Variants in RNF212B observed in about 807,000 individuals in gnomAD.
RNF212B encodes E3 ubiquitin-protein ligase RNF212B.
Under a neutral mutation model 55.5 loss-of-function variants are expected in RNF212B, and 52 were observed. The observed-to-expected ratio is 0.94, with a 90% CI of 0.75 to 1.18. The LOEUF (loss-of-function observed/expected upper bound fraction) is 1.18. Among genes scored for constraint, RNF212B ranks in the 50% most tolerant of loss-of-function variants. The pLI is 0.00. For synonymous variants in RNF212B, 99 were observed against 121.4 expected, an observed-to-expected ratio of 0.82 and a Z score of 1.21; for missense variants, 289 against 350.4, an observed-to-expected ratio of 0.82 and a Z score of 1.40.
chr14:23,245,179 A>G (rs78108194), intron 4 of RNF212B, among the ~76,000 whole-genome samples: 1,648 of 152,238 alleles, frequency 0.011, 30 homozygotes, highest in African/African-American at 0.038. Context: ...TCTAAACCTC[A>G]AGATGATCCT....
chr14:23,198,536 C>T (rs1200068315), intron 2 of RNF212B, among the ~76,000 whole-genome samples: 1 of 151,688 alleles, frequency 6.6e-6, no homozygotes, highest in African/African-American at 2.4e-5. Context: ...ATCAGCTGGG[C>T]GTGGTGGCGG....
chr14:23,186,666 G>A (rs888804792), intron 1 of RNF212B, among the ~76,000 whole-genome samples: 18 of 152,110 alleles, frequency 1.2e-4, no homozygotes, highest in African/African-American at 3.1e-4. Context: ...TATTCTCTAC[G>A]TTTAAATAGT....
At chr14:23,227,680 A>G (rs1956742249) in intron 2 of RNF212B, among the ~76,000 whole-genome samples, 1 of 152,096 alleles carries the variant, frequency 6.6e-6, no homozygotes, top group South Asian at 2.1e-4. Flanking sequence ...TGCTCACTGC[A>G]GCCTCAACCT....
At position 23,193,660 on chromosome 14, in the gene RNF212B, G is replaced by A. The variant is rs529632881; in HGVS notation, c.-2+259G>A. ...AAAAGCAAGCAAATGAAAACATGAG[G>A]CAAGTATTAACTTCAAGGAATTGTT... On this transcript the variant is annotated intron_variant, in intron 2 of 15. Coordinates refer to the RNF212B transcript ENST00000399910. 2.1e-4 allele frequency among the ~76,000 whole-genome samples: 32 copies of A among 152,028 alleles called. No homozygotes were observed. The South Asian group carries it at 6.4e-3, about 31-fold the overall frequency.
Position 23,269,910 on chromosome 14 carries a change from C to T in RNF212B, c.722C>T (p.Ser241Phe), listed in dbSNP as rs767426507. Reference protein sequence around the residue: ...SGQGIFSFRPSPNGHSGHTRV... With the variant: ...SGQGIFSFRPFPNGHSGHTRV... ...CAGGGGATTTTTTCTTTCAGACCAT[C>T]CCCAAATGGGCATTCAGGCCACACA... The change falls in exon 13 of 15, where the codon TCC becomes TTC. Residue 241 changes from serine to phenylalanine, a missense_variant. By Grantham distance (155) the Ser-to-Phe change is radical. Coordinates refer to ENST00000430154, the MANE Select transcript of RNF212B (RefSeq NM_001282322.3). 1.2e-4 allele frequency: 192 copies of T among 1,549,860 alleles called. No individual in the cohort carries two copies. The highest frequency in any genetic ancestry group is 1.2e-4 in the South Asian group (10 of 84,046).
At chr14:23,251,043 G>T (rs1884368502) in intron 4 of RNF212B, among the ~76,000 whole-genome samples, 1 of 152,110 alleles carries the variant, frequency 6.6e-6, no homozygotes, top group African/African-American at 2.4e-5. Flanking sequence ...GATTTGGGGG[G>T]TCCAACATAT....
chr14:23,229,220 T>TTATATATATATAGA (rs1882312266), intron 2 of RNF212B, among the ~76,000 whole-genome samples: 1 of 65,036 alleles, frequency 1.5e-5, no homozygotes, highest in Non-Finnish European at 3.0e-5. Flanking sequence ...GAATAATATT[T>TTATATATATATAGA]TATATATATA....
At chr14:23,260,470 C>G (rs1345526115) in intron 6 of RNF212B, among the ~76,000 whole-genome samples, 189 bp from the exon 7 acceptor site, 2 of 152,164 alleles carry the variant, frequency 1.3e-5, no homozygotes, top group Non-Finnish European at 2.9e-5. Flanking sequence ...TTATGAAGAA[C>G]TAAACTTTTA....
chr14:23,253,085 A>C (rs770074862), intron 4 of RNF212B, among the ~76,000 whole-genome samples: 13 of 152,140 alleles, frequency 8.5e-5, no homozygotes, highest in Non-Finnish European at 1.6e-4. Flanking sequence ...ACCCCCACCC[A>C]GATTATTTTA....
chr14:23,259,624 G>T, intron 5 of RNF212B: 1 of 268,096 alleles, frequency 3.7e-6, no homozygotes, highest in Non-Finnish European at 7.0e-6. Flanking sequence ...TGTGTGTGTG[G>T]GTGGAGAGAG....
chr14:23,233,617 T>G (rs957880373), upstream of RNF212B, among the ~76,000 whole-genome samples: 3 of 145,962 alleles, frequency 2.1e-5, no homozygotes, highest in African/African-American at 7.6e-5. Flanking sequence ...TGGTGCATGC[T>G]TGTAGTCCCA....
chr14:23,234,112 C>T (rs1431272934), upstream of RNF212B, among the ~76,000 whole-genome samples: 1 of 152,056 alleles, frequency 6.6e-6, no homozygotes, highest in African/African-American at 2.4e-5. Flanking sequence ...ACTCAAAAAG[C>T]CCAGAACACT....
intron 4 of RNF212B, among the ~76,000 whole-genome samples, chr14:23,254,892 C>T (rs1037215685): frequency 2.9e-4 from 44 of 152,198 alleles, no homozygotes; most frequent in African/African-American, 1.0e-3. Flanking sequence ...TTAATATGCT[C>T]TCTCAAGCAT....
chr14:23,231,513 A>T (rs771325121), intron 2 of RNF212B, among the ~76,000 whole-genome samples: 1 of 152,260 alleles, frequency 6.6e-6, no homozygotes, highest in Non-Finnish European at 1.5e-5. Flanking sequence ...TAAAATCAAA[A>T]TTACAAATCT....
intron 2 of RNF212B, among the ~76,000 whole-genome samples, chr14:23,193,866 A>AGT (rs936997185): frequency 1.3e-5 from 2 of 151,972 alleles, no homozygotes; most frequent in Non-Finnish European, 1.5e-5. Flanking sequence ...TCTGAGATGG[A>AGT]GTGTCACTCT....
chr14:23,267,964 A>C (rs905264726), intron 11 of RNF212B, among the ~76,000 whole-genome samples: 5 of 152,228 alleles, frequency 3.3e-5, no homozygotes, highest in African/African-American at 1.2e-4. Flanking sequence ...CAGATAAGGA[A>C]GGACTGACTT....
At chr14:23,229,259 T>TATATATACATAC (rs1434448490) in intron 2 of RNF212B, among the ~76,000 whole-genome samples, 1 of 122,488 alleles carries the variant, frequency 8.2e-6, no homozygotes, top group African/African-American at 3.1e-5. Flanking sequence ...TATATATATA[T>TATATATACATAC]ATACCACATT....
chr14:23,235,663 G>T (rs990472958), upstream of RNF212B, among the ~76,000 whole-genome samples: 1 of 152,190 alleles, frequency 6.6e-6, no homozygotes, highest in African/African-American at 2.4e-5. Flanking sequence ...TACCTGATGA[G>T]ATAGATAGTG....
chr14:23,270,182 A>G (rs1009309096), intron 13 of RNF212B, among the ~76,000 whole-genome samples: 1 of 152,178 alleles, frequency 6.6e-6, no homozygotes, highest in Non-Finnish European at 1.5e-5. Context: ...GTCGAGTCCT[A>G]CTATTTAGCC....
Sources: allele counts gnomAD v4.1 joint callset (sites outside exome capture counted in the v4.1 genomes callset), GRCh38; gene constraint gnomAD v4.1.1; transcripts MANE v1.5; gene names NCBI Gene and HGNC (gene_info 2026-07-23, HGNC 2026-07-21).